Variants in TRIQK observed in about 807,000 individuals in gnomAD.
TRIQK encodes triple QxxK/R motif-containing protein.
In TRIQK, 10 loss-of-function variants were observed where a neutral mutation model predicts 10.8. The ratio of observed to expected loss-of-function variants is 0.92; its 90% CI spans 0.57 to 1.57. The LOEUF is 1.57. Among genes scored for constraint, TRIQK ranks in the 40% most tolerant of loss-of-function variants. The pLI, the probability that TRIQK is intolerant of heterozygous loss-of-function variation, is 0.00. For synonymous variants in TRIQK, 33 were observed against 33.7 expected, an observed-to-expected ratio of 0.98 and a Z score of 0.07; for missense variants, 107 against 97.7, an observed-to-expected ratio of 1.09 and a Z score of -0.40.
intron 1 of TRIQK, among the ~76,000 whole-genome samples, chr8:92,961,275 G>GA (rs1396590115): frequency 1.3e-5 from 2 of 152,008 alleles, no homozygotes; most frequent in Admixed American, 1.3e-4. Context: ...CGATAAAGGG[G>GA]ACGGTGTTGA....
rs1586353238 is a variant in TRIQK, at chr8:92,884,666, A to C, written c.*1956T>G. On this transcript the variant is annotated 3_prime_UTR_variant, in exon 5 of 5. Coordinates refer to ENST00000521988, the MANE Select transcript of TRIQK (RefSeq NM_001171797.2). ...TTCCAAGACCATAACCAGCCATTTT[A>C]AGTACTGTAAACTCTGTTATATTTC... is the stretch of plus-strand genomic sequence containing the variant. 2.9e-6 allele frequency: 1 copy of C among 346,056 alleles called. No individual in the cohort carries two copies. The highest frequency in any genetic ancestry group is 7.5e-5 in the East Asian group (1 of 13,382). The allele number at this position is 346,056 out of a possible 1,614,324, so 21.4% of individuals were successfully genotyped here. A position where few individuals can be genotyped will look rare whatever the true frequency, so the allele number is the denominator to read the frequency against.
intron 1 of TRIQK, among the ~76,000 whole-genome samples, chr8:92,961,814 C>T (rs1358752487): frequency 6.6e-6 from 1 of 152,116 alleles, no homozygotes; most frequent in Non-Finnish European, 1.5e-5. Context: ...TTTGCAACTA[C>T]GTCACTAAAT....
chr8:92,916,134 T>C (rs1809831247), intron 3 of TRIQK, among the ~76,000 whole-genome samples: 1 of 152,190 alleles, frequency 6.6e-6, no homozygotes, highest in African/African-American at 2.4e-5. Flanking sequence ...CTAACTAATT[T>C]CTAATTTACT....
intron 2 of TRIQK, among the ~76,000 whole-genome samples, chr8:92,932,018 A>T (rs1471334750): frequency 1.3e-5 from 2 of 152,156 alleles, no homozygotes. Context: ...TTATTTACAA[A>T]ATCATCCTCT....
chr8:92,926,675 T>C (rs1275510838), intron 2 of TRIQK, among the ~76,000 whole-genome samples: 1 of 152,170 alleles, frequency 6.6e-6, no homozygotes, highest in Non-Finnish European at 1.5e-5. Flanking sequence ...ATGAGTCACT[T>C]TAACAAGAAA....
At position 93,007,404 on chromosome 8, in the gene TRIQK, A is replaced by G. The variant is rs548463995; in HGVS notation, c.-181+10205T>C. On this transcript the variant is annotated intron_variant, in intron 1 of 4. Transcript: ENST00000520686. ...TAGCAGCCTCAAAGATCAAAGCTAGATAAACTAACGAAGATGAGAAAGACT... is the reference window on the plus strand; with the variant it reads ...TAGCAGCCTCAAAGATCAAAGCTAGGTAAACTAACGAAGATGAGAAAGACT... Among the ~76,000 whole-genome samples, 39 of 152,388 alleles carry G rather than the reference A, an allele frequency of 2.6e-4. 1 individual carries two copies. In the South Asian group the frequency reaches 4.6e-3, roughly 18 times the overall value.
rs1284419800 is a variant in TRIQK at position 92,886,138 on chromosome 8, T to G, written c.*484A>C. ...ATGTATGTGCAGATAGTCTCTCTAA[T>G]GATGTAAAATACGTCCAGAAAGAAA... On this transcript the variant is annotated 3_prime_UTR_variant, in exon 5 of 5. Coordinates refer to ENST00000521988, the MANE Select transcript of TRIQK (RefSeq NM_001171797.2). The G allele has an allele frequency of 6.6e-6, 1 of 152,072 alleles. No individual in the cohort carries two copies. The highest frequency in any genetic ancestry group is 1.5e-5 in the Non-Finnish European group (1 of 68,098). 9.4% of individuals were successfully genotyped at this position (152,072 alleles called of 1,614,324 possible). A position where few individuals can be genotyped will look rare whatever the true frequency, so the allele number is the denominator to read the frequency against.
intron 1 of TRIQK, among the ~76,000 whole-genome samples, chr8:92,993,008 CAA>C (rs1813113124): frequency 6.6e-6 from 1 of 152,136 alleles, no homozygotes; most frequent in Non-Finnish European, 1.5e-5. Context: ...ACACTCCAAT[CAA>C]AGAGGTCAAA....
chr8:92,935,762 A>G (rs1184381729), intron 2 of TRIQK, among the ~76,000 whole-genome samples: 1 of 151,514 alleles, frequency 6.6e-6, no homozygotes, highest in Non-Finnish European at 1.5e-5. Context: ...AAGACTCAAT[A>G]TTCAGCAGAG....
At chr8:93,014,566 G>T (rs1444946514) in intron 1 of TRIQK, among the ~76,000 whole-genome samples, 1 of 151,986 alleles carries the variant, frequency 6.6e-6, no homozygotes, top group African/African-American at 2.4e-5. Context: ...CTGAGTTGTT[G>T]TGTTGTTATT....
chr8:92,898,868 TATA>T (rs1808765608), intron 3 of TRIQK, among the ~76,000 whole-genome samples: 1 of 132,598 alleles, frequency 7.5e-6, no homozygotes, highest in Non-Finnish European at 1.6e-5. Context: ...TATATATATA[TATA>T]TAGATGGGGG....
chr8:92,968,958 A>T (rs1812846457), upstream of TRIQK, among the ~76,000 whole-genome samples: 1 of 152,144 alleles, frequency 6.6e-6, no homozygotes, highest in African/African-American at 2.4e-5. Context: ...TCTTTCATTC[A>T]TCTTGAGTTA....
upstream of TRIQK, among the ~76,000 whole-genome samples, chr8:92,969,266 C>T (rs545136023): frequency 6.6e-6 from 1 of 152,180 alleles, no homozygotes; most frequent in South Asian, 2.1e-4. Flanking sequence ...ATTTTCTTGG[C>T]TATATGGGCT....
At chr8:92,936,825 T>C (rs1241306163) in intron 2 of TRIQK, among the ~76,000 whole-genome samples, 1 of 151,890 alleles carries the variant, frequency 6.6e-6, no homozygotes, top group South Asian at 2.1e-4. Flanking sequence ...ATAAAGTTTA[T>C]ATATAAAATT....
At chr8:92,966,584 A>G (rs1458619684), upstream of TRIQK, among the ~76,000 whole-genome samples, 1 of 152,230 alleles carries the variant, frequency 6.6e-6, no homozygotes, top group African/African-American at 2.4e-5. Flanking sequence ...CGTGACTGAC[A>G]ATTAGGATTT....
intron 1 of TRIQK, among the ~76,000 whole-genome samples, chr8:92,998,224 T>C (rs1441654166): frequency 3.9e-5 from 6 of 152,022 alleles, no homozygotes; most frequent in African/African-American, 1.4e-4. Context: ...GGTTACATTA[T>C]ATAATCAAAT....
At chr8:92,951,152 T>C (rs1363125257) in intron 2 of TRIQK, among the ~76,000 whole-genome samples, 1 of 152,042 alleles carries the variant, frequency 6.6e-6, no homozygotes, top group African/African-American at 2.4e-5. Context: ...ATCCTGAGTA[T>C]TTTTGATCTG....
chr8:92,984,860 G>C (rs1334051522), intron 1 of TRIQK, among the ~76,000 whole-genome samples: 1 of 151,922 alleles, frequency 6.6e-6, no homozygotes, highest in African/African-American at 2.4e-5. Flanking sequence ...TATCTTGACT[G>C]TATAGACATT....
intron 4 of TRIQK, among the ~76,000 whole-genome samples, chr8:92,889,764 T>C (rs1586363082): frequency 6.6e-6 from 1 of 151,678 alleles, no homozygotes; most frequent in East Asian, 1.9e-4. Flanking sequence ...TGGCAAAATT[T>C]CCATTTTATA....
Sources: allele counts gnomAD v4.1 joint callset (sites outside exome capture counted in the v4.1 genomes callset), GRCh38; gene constraint gnomAD v4.1.1; transcripts MANE v1.5; gene names NCBI Gene and HGNC (gene_info 2026-07-23, HGNC 2026-07-21).